BTBD8: variants seen among roughly 807,000 people sequenced by gnomAD.
The protein encoded by BTBD8 is BTB domain containing 8.
Under a neutral mutation model 162.9 loss-of-function variants are expected in BTBD8, and 110 were observed. The observed-to-expected ratio is 0.68, with a 90% confidence interval of 0.58 to 0.79. BTBD8 has a LOEUF of 0.79. BTBD8 is among the 30% of genes least tolerant of loss of function. The pLI is 0.00. For synonymous variants in BTBD8, 667 were observed against 716.1 expected (o/e 0.93, Z 1.10); for missense variants, 1,905 against 2,085.4 (o/e 0.91, Z 1.68).
chr1:92,166,964 A>G lies in BTBD8; in HGVS notation c.1129A>G (p.Lys377Glu). The G allele has an allele frequency of 6.5e-7, 1 of 1,542,944 alleles. No homozygotes were observed. The highest frequency in any genetic ancestry group is 8.7e-7 in the Non-Finnish European group (1 of 1,143,164). ...ATTTTTTTTTAAATCTAAGAATGATAAGAATGCTGCTTTTCTTCTGATGGA... is the reference window on the plus strand; with the variant it reads ...ATTTTTTTTTAAATCTAAGAATGATGAGAATGCTGCTTTTCTTCTGATGGA... ...LNMLIQSLNDKNAAFLLMESD... is the reference protein window; with the variant it reads ...LNMLIQSLNDENAAFLLMESD... The change falls in exon 10 of 18, where the codon AAG becomes GAG. Residue 377 changes from lysine to glutamate, a missense_variant. By Grantham distance (56) the Lys-to-Glu change is moderately conservative. Transcript: ENST00000636805.
intron 7 of BTBD8, among the ~76,000 whole-genome samples, chr1:92,143,175 G>A (rs574367615): frequency 1.3e-5 from 2 of 152,158 alleles, no homozygotes; most frequent in African/African-American, 4.8e-5. Flanking sequence ...GAAAGCATTC[G>A]TTGGGAAAAT....
At chr1:92,086,368 G>A (rs886344483) in intron 1 of BTBD8, among the ~76,000 whole-genome samples, 2 of 152,144 alleles carry the variant, frequency 1.3e-5, no homozygotes, top group East Asian at 3.9e-4. Flanking sequence ...TATGTCAGAC[G>A]TGCAAGCCCT....
At chr1:92,099,409 G>T (rs1032303116) in intron 2 of BTBD8, among the ~76,000 whole-genome samples, 1 of 147,258 alleles carries the variant, frequency 6.8e-6, no homozygotes, top group Non-Finnish European at 1.5e-5. Context: ...GGATTGGCTT[G>T]TCAATTTCTG....
intron 13 of BTBD8, among the ~76,000 whole-genome samples, chr1:92,173,552 A>G (rs915081926): frequency 2.0e-5 from 3 of 152,142 alleles, no homozygotes; most frequent in African/African-American, 7.2e-5. Context: ...GAATAGAACA[A>G]AGTTTCATTA....
At chr1:92,086,177 C>T (rs1648153598) in intron 1 of BTBD8, among the ~76,000 whole-genome samples, 1 of 152,052 alleles carries the variant, frequency 6.6e-6, no homozygotes, top group Non-Finnish European at 1.5e-5. Flanking sequence ...AGCCAGAGAC[C>T]ACAAGGGGTT....
intron 16 of BTBD8, among the ~76,000 whole-genome samples, chr1:92,178,991 A>T (rs1315014256): frequency 6.6e-6 from 1 of 152,230 alleles, no homozygotes; most frequent in Non-Finnish European, 1.5e-5. Context: ...CACGCCTGTA[A>T]TCCAAGCACT....
At chr1:92,124,389 A>C (rs549258043) in intron 4 of BTBD8, among the ~76,000 whole-genome samples, 1 of 152,182 alleles carries the variant, frequency 6.6e-6, no homozygotes, top group East Asian at 1.9e-4. Context: ...CCTGTCCTCC[A>C]CCCTTCATTG....
intron 4 of BTBD8, among the ~76,000 whole-genome samples, chr1:92,121,413 G>A (rs565046652): frequency 1.3e-5 from 2 of 152,098 alleles, no homozygotes; most frequent in South Asian, 2.1e-4. Flanking sequence ...GAACTGTGAA[G>A]TATTTCCTCT....
At chr1:92,155,903 A>G (rs1357527778) in intron 9 of BTBD8, among the ~76,000 whole-genome samples, 1 of 152,112 alleles carries the variant, frequency 6.6e-6, no homozygotes, top group Non-Finnish European at 1.5e-5. Context: ...CTTCCTTTAC[A>G]GTTTGGATGC....
chr1:92,113,079 A>G (rs1002581230), intron 4 of BTBD8, among the ~76,000 whole-genome samples: 13 of 152,234 alleles, frequency 8.5e-5, no homozygotes, highest in South Asian at 2.1e-4. Context: ...CAGCATTAAC[A>G]GTTGAAATTA....
intron 7 of BTBD8, 87 bp downstream of exon 7, chr1:92,141,298 C>A: frequency 1.5e-6 from 2 of 1,293,580 alleles, no homozygotes; most frequent in East Asian, 3.2e-5. Context: ...AGTAATAGTG[C>A]TTTAAATATT....
At chr1:92,110,684 A>G (rs899343540) in intron 4 of BTBD8, among the ~76,000 whole-genome samples, 1 of 152,068 alleles carries the variant, frequency 6.6e-6, no homozygotes, top group Non-Finnish European at 1.5e-5. Flanking sequence ...CTGGGACTAC[A>G]GGCATCTGCC....
At chr1:92,153,540 G>A (rs1259854048) in intron 9 of BTBD8, among the ~76,000 whole-genome samples, 1 of 151,998 alleles carries the variant, frequency 6.6e-6, no homozygotes, top group Admixed American at 6.6e-5. Context: ...CCCTTCCCCA[G>A]CTCCTGGCAA....
chr1:92,090,535 G>T (rs12073894), intron 2 of BTBD8, among the ~76,000 whole-genome samples: 5,101 of 152,160 alleles, frequency 0.034, 224 homozygotes, highest in African/African-American at 0.096. Flanking sequence ...TGTAATATTA[G>T]ACTCTTATCA....
At chr1:92,119,893 CTTTTTTTTTTTTT>C (rs58297367) in intron 4 of BTBD8, among the ~76,000 whole-genome samples, 6 of 58,386 alleles carry the variant, frequency 1.0e-4, no homozygotes, top group African/African-American at 1.9e-4. Context: ...CGGCCCTTTT[CTTTTTTTTTTTTT>C]TTTTTTTTTT....
intron 4 of BTBD8, among the ~76,000 whole-genome samples, chr1:92,110,243 G>A (rs1221168122): frequency 6.6e-5 from 10 of 152,180 alleles, no homozygotes. Flanking sequence ...TAACAGAGTG[G>A]TTAAGAGTGT....
Position 92,092,934 on chromosome 1 carries a change from G to A in BTBD8, c.347+4039G>A, listed in dbSNP as rs61781594. On this transcript the variant is annotated intron_variant, in intron 2 of 17. Coordinates refer to ENST00000636805, the MANE Select transcript of BTBD8 (RefSeq NM_001376131.1). Reference sequence around the variant, plus strand: ...ATCTTTGGATAATTATATTTTAAGTGTATTTATGTGATTGGCTTATTCATT... The same window carrying A: ...ATCTTTGGATAATTATATTTTAAGTATATTTATGTGATTGGCTTATTCATT... 8.9e-3 allele frequency among the ~76,000 whole-genome samples: 1,358 copies of A among 152,164 alleles called. 10 individuals carry two copies. Among genetic ancestry groups the A allele is most frequent in the Non-Finnish European group, 0.015 (990 of 67,994 alleles).
chr1:92,163,466 C>A (rs1382034850), intron 9 of BTBD8, among the ~76,000 whole-genome samples: 1 of 148,136 alleles, frequency 6.8e-6, no homozygotes. Flanking sequence ...TTTGTATATG[C>A]ATAAAATAAC....
intron 9 of BTBD8, among the ~76,000 whole-genome samples, chr1:92,151,536 AT>A (rs1385252478): frequency 9.2e-5 from 14 of 151,840 alleles, no homozygotes; most frequent in Admixed American, 9.2e-4. Flanking sequence ...TAGTACCAGT[AT>A]TTTTTTTAAA....
Sources: allele counts gnomAD v4.1 joint callset (sites outside exome capture counted in the v4.1 genomes callset), GRCh38; gene constraint gnomAD v4.1.1; transcripts MANE v1.5; gene names NCBI Gene and HGNC (gene_info 2026-07-23, HGNC 2026-07-21).